Variants in ADAMTS12 observed in about 807,000 individuals in gnomAD.
ADAMTS12 encodes A disintegrin and metalloproteinase with thrombospondin motifs 12.
ADAMTS12 carries 118 observed loss-of-function variants against 167.8 expected under a neutral mutation model. The observed-to-expected ratio is 0.70, with a 90% CI of 0.61 to 0.82. The LOEUF is 0.82. Among genes scored for constraint, ADAMTS12 ranks in the 40% least tolerant of loss-of-function variants. The pLI is 0.00. For synonymous variants in ADAMTS12, 704 were observed against 716.9 expected (o/e 0.98, Z 0.29); for missense variants, 1,916 against 1,998.8 (o/e 0.96, Z 0.79).
intron 18 of ADAMTS12, among the ~76,000 whole-genome samples, chr5:33,582,248 T>C (rs1747101800): frequency 6.6e-6 from 1 of 152,194 alleles, no homozygotes; most frequent in Non-Finnish European, 1.5e-5. Context: ...CCCATATCTG[T>C]TCCCCAGGAA....
At chr5:33,571,998 A>G (rs1021455754) in intron 19 of ADAMTS12, among the ~76,000 whole-genome samples, 1 of 152,240 alleles carries the variant, frequency 6.6e-6, no homozygotes, top group Non-Finnish European at 1.5e-5. Flanking sequence ...GAAAATCTAG[A>G]AGAAATGGAT....
chr5:33,750,707 G>A (rs932783565), intron 3 of ADAMTS12, among the ~76,000 whole-genome samples: 1 of 152,126 alleles, frequency 6.6e-6, no homozygotes, highest in Non-Finnish European at 1.5e-5. Context: ...TACACACTAA[G>A]AAGAATGTGG....
At position 33,643,380 on chromosome 5, in the gene ADAMTS12, T is replaced by C; in HGVS notation, c.1570A>G (p.Lys524Glu). Residue 524 changes from lysine (K) to glutamate (E), a missense_variant and splice_region_variant, in exon 10 of 24, where the codon AAG becomes GAG. Lys to Glu is a moderately conservative substitution (Grantham distance 56). Transcript: ENST00000504830. ...AADGTQCGEK[K>E]WCMAGKCITV... ...CATTCCTCGGCCTGACGCATCACCT[T>C]CTTCTCACCACATTGAGTTCCATCT... 6.2e-7 allele frequency: 1 copy of C among 1,614,108 alleles called. No individual in the cohort carries two copies. The highest frequency in any genetic ancestry group is 1.3e-5 in the African/African-American group (1 of 75,056).
intron 2 of ADAMTS12, among the ~76,000 whole-genome samples, chr5:33,831,995 G>C (rs1250091467): frequency 6.6e-6 from 1 of 152,222 alleles, no homozygotes; most frequent in Non-Finnish European, 1.5e-5. Context: ...GTCCCTGCAA[G>C]GTAGCTGGTA....
At chr5:33,628,069 G>C (rs1338084638) in intron 13 of ADAMTS12, among the ~76,000 whole-genome samples, 1 of 152,158 alleles carries the variant, frequency 6.6e-6, no homozygotes, top group Non-Finnish European at 1.5e-5. Context: ...TAACAGATTG[G>C]GGGAAGGCTA....
At chr5:33,666,602 C>T (rs562527523) in intron 5 of ADAMTS12, among the ~76,000 whole-genome samples, 1 of 152,246 alleles carries the variant, frequency 6.6e-6, no homozygotes, top group South Asian at 2.1e-4. Context: ...AAGGGATTCT[C>T]CTGCCTCAGC....
At chr5:33,554,097 G>A (rs1745382698) in intron 20 of ADAMTS12, among the ~76,000 whole-genome samples, 1 of 152,198 alleles carries the variant, frequency 6.6e-6, no homozygotes, top group African/African-American at 2.4e-5. Flanking sequence ...AGGACACAAA[G>A]GAGGAGACAG....
chr5:33,878,263 A>G (rs1015499194), intron 2 of ADAMTS12, among the ~76,000 whole-genome samples: 1 of 134,634 alleles, frequency 7.4e-6, no homozygotes, highest in African/African-American at 3.2e-5. Flanking sequence ...AAAGAAACTC[A>G]TTTGGCTTTG....
At chr5:33,752,240 T>C (rs1042117480) in intron 2 of ADAMTS12, among the ~76,000 whole-genome samples, 1 of 152,240 alleles carries the variant, frequency 6.6e-6, no homozygotes, top group African/African-American at 2.4e-5. Flanking sequence ...CCTACAACTC[T>C]CTTGTCCTTT....
chr5:33,625,684 C>T (rs1046615506), intron 13 of ADAMTS12, among the ~76,000 whole-genome samples: 1 of 152,026 alleles, frequency 6.6e-6, no homozygotes, highest in Non-Finnish European at 1.5e-5. Context: ...GTAATATTTG[C>T]CTGCATAACT....
intron 20 of ADAMTS12, among the ~76,000 whole-genome samples, chr5:33,558,286 A>C (rs950699378): frequency 6.6e-6 from 1 of 152,200 alleles, no homozygotes; most frequent in Non-Finnish European, 1.5e-5. Flanking sequence ...GCAACTGACC[A>C]TCAGTAGTTA....
intron 3 of ADAMTS12, among the ~76,000 whole-genome samples, chr5:33,699,395 T>C (rs1742911644): frequency 6.6e-6 from 1 of 151,968 alleles, no homozygotes; most frequent in African/African-American, 2.4e-5. Context: ...ACCTAATCTT[T>C]ACTAATATAT....
intron 3 of ADAMTS12, among the ~76,000 whole-genome samples, chr5:33,714,347 G>A (rs1004075731): frequency 1.3e-5 from 2 of 152,036 alleles, no homozygotes; most frequent in African/African-American, 4.8e-5. Flanking sequence ...AAAATGTAAT[G>A]CAAATGCAAT....
intron 2 of ADAMTS12, among the ~76,000 whole-genome samples, chr5:33,865,080 C>A (rs1374472276): frequency 1.3e-5 from 2 of 151,966 alleles, no homozygotes; most frequent in African/African-American, 4.8e-5. Context: ...TGAAACTATT[C>A]CAAAGATTGA....
chr5:33,744,482 C>T (rs1464959285), intron 3 of ADAMTS12, among the ~76,000 whole-genome samples: 1 of 152,156 alleles, frequency 6.6e-6, no homozygotes, highest in Non-Finnish European at 1.5e-5. Flanking sequence ...AATGGGTTCA[C>T]TGATAGGCTT....
At chr5:33,621,913 A>C (rs1739350151) in intron 14 of ADAMTS12, among the ~76,000 whole-genome samples, 1 of 152,242 alleles carries the variant, frequency 6.6e-6, no homozygotes, top group African/African-American at 2.4e-5. Flanking sequence ...CTTGCCTTAG[A>C]TTAAGACTCT....
intron 23 of ADAMTS12, among the ~76,000 whole-genome samples, chr5:33,533,439 A>G (rs1744215830): frequency 6.6e-6 from 1 of 152,178 alleles, no homozygotes; most frequent in Non-Finnish European, 1.5e-5. Flanking sequence ...ATCACCAGGG[A>G]TCTTGTTAAA....
chr5:33,658,970 T>C (rs909842405), intron 6 of ADAMTS12, among the ~76,000 whole-genome samples: 3 of 152,194 alleles, frequency 2.0e-5, no homozygotes, highest in Non-Finnish European at 2.9e-5. Flanking sequence ...GTAGAGATTA[T>C]TTCAATCACG....
intron 3 of ADAMTS12, among the ~76,000 whole-genome samples, chr5:33,725,664 G>A (rs137896487): frequency 2.8e-4 from 42 of 152,332 alleles, no homozygotes; most frequent in African/African-American, 8.7e-4. Flanking sequence ...GCACACAGCC[G>A]CAGCTGGGAA....
Sources: allele counts gnomAD v4.1 joint callset (sites outside exome capture counted in the v4.1 genomes callset), GRCh38; gene constraint gnomAD v4.1.1; transcripts MANE v1.5; gene names NCBI Gene and HGNC (gene_info 2026-07-23, HGNC 2026-07-21).